Variants in ATXN10 observed in about 807,000 individuals in gnomAD.
ATXN10 encodes ataxin-10.
ATXN10 carries 28 observed loss-of-function variants against 52.9 expected under a neutral mutation model. The ratio of observed to expected loss-of-function variants is 0.53; its 90% confidence interval spans 0.39 to 0.73. The LOEUF (loss-of-function observed/expected upper bound fraction) is 0.73. Ranked by LOEUF, ATXN10 falls within the 30% of genes least tolerant of loss-of-function variation. The pLI, the probability that ATXN10 is intolerant of heterozygous loss-of-function variation, is 0.00. For missense variants in ATXN10, 565 were observed against 577.0 expected, an observed-to-expected ratio of 0.98 and a Z score of 0.21; for synonymous variants, 226 against 221.5, an observed-to-expected ratio of 1.02 and a Z score of -0.18.
chr22:45,777,969 C>CT (rs1927017922), intron 9 of ATXN10, among the ~76,000 whole-genome samples: 1 of 152,182 alleles, frequency 6.6e-6, no homozygotes, highest in South Asian at 2.1e-4. Context: ...CTGTGGGCCT[C>CT]TATTTGTAAA....
Position 45,696,261 on chromosome 22 carries a change from A to G in ATXN10, c.391+3183A>G, listed in dbSNP as rs1923601249. Among the ~76,000 whole-genome samples, 1 of 152,226 alleles carries G rather than the reference A, an allele frequency of 6.6e-6. No individual in the cohort carries two copies. Among genetic ancestry groups the G allele is most frequent in the South Asian group, 2.1e-4 (1 of 4,832 alleles). ...ATTAGCAGTAAAGTCCGTGTTTCAC[A>G]GTGTCACTTGGAAGGGCAGCTATTT... On this transcript the variant is annotated intron_variant, in intron 3 of 11. Transcript: ENST00000252934. The surrounding 1 kb of genome is among the most constrained non-coding windows in gnomAD (Gnocchi z 4.7).
At chr22:45,817,825 TCCCAGC>T in intron 10 of ATXN10, among the ~76,000 whole-genome samples, 1 of 152,046 alleles carries the variant, frequency 6.6e-6, no homozygotes, top group South Asian at 2.1e-4. Context: ...TTGGTGATGC[TCCCAGC>T]CCAGACCAGT....
At chr22:45,710,307 C>T (rs1355146991) in intron 5 of ATXN10, among the ~76,000 whole-genome samples, 1 of 152,204 alleles carries the variant, frequency 6.6e-6, no homozygotes, top group African/African-American at 2.4e-5. Flanking sequence ...TGAATCTTTA[C>T]ATCCGCTGTC....
chr22:45,773,438 A>G (rs1176187873), intron 9 of ATXN10, among the ~76,000 whole-genome samples: 1 of 149,158 alleles, frequency 6.7e-6, no homozygotes, highest in Non-Finnish European at 1.5e-5. Context: ...TTTTTACTGA[A>G]TGAAGAATTA....
At position 45,841,056 on chromosome 22, in the gene ATXN10, G is replaced by A. The variant is rs991414653; in HGVS notation, c.1238-1935G>A. Among the ~76,000 whole-genome samples, 14 of 152,146 alleles carry A rather than the reference G, an allele frequency of 9.2e-5. No individual in the cohort carries two copies. Among genetic ancestry groups the A allele is most frequent in the African/African-American group, 3.4e-4 (14 of 41,406 alleles). ...GGATATGTTGGAAGTGCTTGATACC[G>A]GGGCTCGTTATCTTTATTCTCTATA... On this transcript the variant is annotated intron_variant, in intron 10 of 11. Transcript: ENST00000252934. The surrounding 1 kb of genome is among the most constrained non-coding windows in gnomAD (Gnocchi z 5.1).
rs1922991793 is a variant in ATXN10 at position 45,683,041 on chromosome 22, G to A, written c.117-6671G>A. ...CTCTGCTCAGAACCTTCCATGGGCC[G>A]GGCACGGTGGCTCACGCCTGTCATC... On this transcript the variant is annotated intron_variant, in intron 1 of 11. Transcript: ENST00000252934. The surrounding 1 kb of genome is among the most constrained non-coding windows in gnomAD (Gnocchi z 4.8). Among the ~76,000 whole-genome samples, 1 of 152,066 alleles carries A rather than the reference G, an allele frequency of 6.6e-6. No homozygotes were observed. Among genetic ancestry groups the A allele is most frequent in the South Asian group, 2.1e-4 (1 of 4,820 alleles).
intron 10 of ATXN10, among the ~76,000 whole-genome samples, chr22:45,809,215 C>T (rs1224964715): frequency 6.6e-6 from 1 of 152,176 alleles, no homozygotes; most frequent in African/African-American, 2.4e-5. Flanking sequence ...TCACCTTATT[C>T]CCTAGGTAAA....
chr22:45,715,051 G>A lies in ATXN10; in HGVS notation c.648-3362G>A, dbSNP rs544012324. 1.3e-5 allele frequency among the ~76,000 whole-genome samples: 2 copies of A among 152,148 alleles called. No individual in the cohort carries two copies. Among genetic ancestry groups the A allele is most frequent in the African/African-American group, 4.8e-5 (2 of 41,490 alleles). On this transcript the variant is annotated intron_variant, in intron 5 of 11. Transcript: ENST00000252934. This position sits in a 1 kb window ranked among gnomAD's most constrained non-coding sequence, Gnocchi z 4.4. ...ACTTCAACTTTTGCTTCCTAACCAC[G>A]CATTCCAGCATGCAGAACTCAGTCC...
Position 45,744,482 on chromosome 22 carries a change from C to T in ATXN10, c.1173+3944C>T, listed in dbSNP as rs1925653167. Reference sequence around the variant, plus strand: ...GAAAGGGCTGAAAAGATATTTCCACCATCATTTTCTAAATGAAGAAACCAA... The same window carrying T: ...GAAAGGGCTGAAAAGATATTTCCACTATCATTTTCTAAATGAAGAAACCAA... On this transcript the variant is annotated intron_variant, in intron 9 of 11. Transcript: ENST00000252934. This position sits in a 1 kb window ranked among gnomAD's most constrained non-coding sequence, Gnocchi z 4.9. 1 of 152,144 alleles carries T rather than the reference C, an allele frequency of 6.6e-6. No individual in the cohort carries two copies. The highest frequency in any genetic ancestry group is 6.5e-5 in the Admixed American group (1 of 15,272). The allele number at this position is 152,144 out of a possible 1,614,324, so 9.4% of individuals were successfully genotyped here.
intron 7 of ATXN10, among the ~76,000 whole-genome samples, chr22:45,735,661 A>G (rs1053736430): frequency 6.6e-6 from 1 of 152,204 alleles, no homozygotes; most frequent in African/African-American, 2.4e-5. Context: ...ATTCTGTATT[A>G]ATATAAGTTT....
At chr22:45,830,044 G>C (rs920443127) in intron 10 of ATXN10, among the ~76,000 whole-genome samples, 1 of 152,210 alleles carries the variant, frequency 6.6e-6, no homozygotes, top group African/African-American at 2.4e-5. Context: ...GGACAGAATA[G>C]AGAATCCAGA....
rs1924290377 is a variant in ATXN10 at position 45,712,545 on chromosome 22, C to A, written c.648-5868C>A. 6.6e-6 allele frequency among the ~76,000 whole-genome samples: 1 copy of A among 152,176 alleles called. No individual in the cohort carries two copies. The highest frequency in any genetic ancestry group is 2.4e-5 in the African/African-American group (1 of 41,442). ...GGCTGAGACTCAAACCCAGCTCTTT[C>A]TGAGACCAAAATTTGTGCTCTTAAT... On this transcript the variant is annotated intron_variant, in intron 5 of 11. Coordinates refer to ENST00000252934, the MANE Select transcript of ATXN10 (RefSeq NM_013236.4). The surrounding 1 kb of genome is among the most constrained non-coding windows in gnomAD (Gnocchi z 4.6).
intron 6 of ATXN10, among the ~76,000 whole-genome samples, chr22:45,726,741 G>A (rs1292799601): frequency 2.0e-5 from 3 of 152,162 alleles, no homozygotes; most frequent in Non-Finnish European, 4.4e-5. Context: ...AGGCTGGTGT[G>A]CAGTGGCACG....
intron 1 of ATXN10, among the ~76,000 whole-genome samples, chr22:45,686,818 C>CAA (rs66702783): frequency 4.9e-5 from 6 of 123,546 alleles, no homozygotes; most frequent in Non-Finnish European, 6.8e-5. Flanking sequence ...GACTCCATCT[C>CAA]AAAAAAAAAA....
chr22:45,758,806 G>A (rs892696295), intron 9 of ATXN10, among the ~76,000 whole-genome samples: 6 of 152,268 alleles, frequency 3.9e-5, no homozygotes, highest in Non-Finnish European at 7.4e-5. Context: ...GTGACATCTC[G>A]TTTATAACAG....
chr22:45,817,318 C>CT (rs11326332), intron 10 of ATXN10, among the ~76,000 whole-genome samples: 3,558 of 98,614 alleles, frequency 0.036, 78 homozygotes, highest in Non-Finnish European at 0.054. Context: ...ATTGATTTAA[C>CT]TTTTTTTTTT....
chr22:45,797,516 T>C (rs1927785586), intron 9 of ATXN10, among the ~76,000 whole-genome samples: 1 of 152,128 alleles, frequency 6.6e-6, no homozygotes, highest in Non-Finnish European at 1.5e-5. Flanking sequence ...TGAATAAAAA[T>C]GAAAAATGGC....
intron 6 of ATXN10, among the ~76,000 whole-genome samples, chr22:45,726,363 C>T (rs752047972): frequency 1.3e-4 from 20 of 152,154 alleles, no homozygotes; most frequent in Non-Finnish European, 2.9e-4. Context: ...GTTCAGACCT[C>T]CTATTTCTTT....
chr22:45,722,107 AT>A (rs1266782548), intron 6 of ATXN10, among the ~76,000 whole-genome samples: 1 of 152,152 alleles, frequency 6.6e-6, no homozygotes, highest in African/African-American at 2.4e-5. Flanking sequence ...CTGAGTGATG[AT>A]TTCTGGGTTA....
Sources: gnomAD v4.1 joint callset for allele counts (sites outside exome capture counted in the v4.1 genomes callset) on GRCh38, gnomAD v4.1.1 for gene constraint, Gnocchi (gnomAD v3.1) non-coding constraint, MANE v1.5 for transcripts, NCBI Gene and HGNC (gene_info 2026-07-23, HGNC 2026-07-21) for gene names.